Variants in PCDHGA1 observed in about 807,000 individuals in gnomAD.
PCDHGA1 encodes the protein protocadherin gamma-A1.
PCDHGA1 carries 32 observed loss-of-function variants against 58.0 expected under a neutral mutation model. That is an observed-to-expected ratio of 0.55 (90% CI 0.42 to 0.74). PCDHGA1 has a LOEUF of 0.74. Ranked by LOEUF, PCDHGA1 falls within the 30% of genes least tolerant of loss-of-function variation. The probability of loss-of-function intolerance (pLI) is 0.00; values close to 1 mark genes in which losing one functional copy is unlikely to be tolerated. For synonymous variants in PCDHGA1, 498 were observed against 501.1 expected (o/e 0.99, Z 0.08); for missense variants, 1,205 against 1,182.3 (o/e 1.02, Z -0.28).
Position 141,477,920 on chromosome 5 carries a change from C to A in PCDHGA1, c.2422-16887C>A, listed in dbSNP as rs755219711. ...GGTAGGCTGGGACGCGGATGCAGGGCACAATGCCTGGCTCTCCTACAGTCT... is the reference window on the plus strand; with the variant it reads ...GGTAGGCTGGGACGCGGATGCAGGGAACAATGCCTGGCTCTCCTACAGTCT... On this transcript the variant is annotated intron_variant, in intron 1 of 3. Transcript: ENST00000517417. The surrounding 1 kb of genome is among the most constrained non-coding windows in gnomAD (Gnocchi z 4.9). The A allele has an allele frequency of 6.2e-7, 1 of 1,614,180 alleles. No individual in the cohort carries two copies. The highest frequency in any genetic ancestry group is 8.5e-7 in the Non-Finnish European group (1 of 1,180,038).
chr5:141,347,778 C>G (rs1328271855), intron 1 of PCDHGA1, among the ~76,000 whole-genome samples: 3 of 149,542 alleles, frequency 2.0e-5, no homozygotes, highest in African/African-American at 7.4e-5. Flanking sequence ...TAGAGAGAGA[C>G]TCCATCTCAA....
At chr5:141,361,802 A>G (rs368923177) in intron 1 of PCDHGA1, 19 of 1,613,052 alleles carry the variant, frequency 1.2e-5, no homozygotes, top group African/African-American at 9.3e-5. Flanking sequence ...GGCGACCTCA[A>G]TGACAATGCG....
intron 1 of PCDHGA1, chr5:141,416,446 G>A (rs192789193): frequency 8.5e-5 from 13 of 152,284 alleles, no homozygotes; most frequent in East Asian, 5.8e-4. Context: ...GTAAATATGG[G>A]TTGGGAAGAC....
intron 1 of PCDHGA1, chr5:141,478,778 C>A: frequency 6.7e-7 from 1 of 1,488,178 alleles, no homozygotes; most frequent in Non-Finnish European, 8.9e-7. Flanking sequence ...ATCTGTGGAC[C>A]TAATTCACAT....
At chr5:141,343,707 G>A (rs546642238) in intron 1 of PCDHGA1, 33 of 218,796 alleles carry the variant, frequency 1.5e-4, no homozygotes, top group African/African-American at 6.6e-4. Flanking sequence ...CTGACAAGAA[G>A]GATTTCAGAT....
rs895266922 is a variant in PCDHGA1 at position 141,343,983 on chromosome 5, G to C, written c.2421+10878G>C. On this transcript the variant is annotated intron_variant, in intron 1 of 3. Transcript: ENST00000517417. Reference sequence around the variant, plus strand: ...TCTTGAGAAAATAAGATTGGAGTCCGTCGTAGGAAACTGGAACCGAATTCA... The same window carrying C: ...TCTTGAGAAAATAAGATTGGAGTCCCTCGTAGGAAACTGGAACCGAATTCA... 8 of 1,444,634 alleles carry C rather than the reference G, an allele frequency of 5.5e-6. No homozygotes were observed. The Admixed American group carries it at 1.2e-4, about 21-fold the overall frequency. The allele number at this position is 1,444,634 out of a possible 1,614,324, so 89.5% of individuals were successfully genotyped here.
chr5:141,384,210 C>T (rs1298573358), intron 1 of PCDHGA1: 2 of 1,613,886 alleles, frequency 1.2e-6, no homozygotes, highest in South Asian at 1.1e-5. Flanking sequence ...GGGAAACTCA[C>T]ATATTCATGC....
At chr5:141,403,699 TAA>T in intron 1 of PCDHGA1, 1 of 1,613,934 alleles carries the variant, frequency 6.2e-7, no homozygotes, top group East Asian at 2.2e-5. Context: ...TTTACCGAGT[TAA>T]AGTCCTTGAG....
intron 1 of PCDHGA1, chr5:141,415,759 T>TTTG: frequency 3.7e-6 from 5 of 1,352,140 alleles, no homozygotes; most frequent in Non-Finnish European, 4.8e-6. Flanking sequence ...TTTTTTTTTT[T>TTTG]TTTTTTTTTT....
At chr5:141,444,434 G>A (rs761353277) in intron 1 of PCDHGA1, among the ~76,000 whole-genome samples, 16 of 152,196 alleles carry the variant, frequency 1.1e-4, no homozygotes, top group Admixed American at 7.2e-4. Flanking sequence ...GCCTCCCAAA[G>A]TGCTGGGATT....
chr5:141,331,848 A>G lies in PCDHGA1; in HGVS notation c.1164A>G (p.Gly388=), dbSNP rs1247729663. ...GCTACACCACATGTTTCATTCCTGG[A>G]AATTTACCCTTTAAATTGGAAAAGT... is the stretch of plus-strand genomic sequence containing the variant. ...DNGYTTCFIP[G]NLPFKLEKLV... is the part of the protein sequence containing the mutation. Residue 388 remains glycine (G), a synonymous_variant, in exon 1 of 4, where the codon GGA becomes GGG. Transcript: ENST00000517417. The G allele has an allele frequency of 2.5e-6, 4 of 1,614,176 alleles. No homozygotes were observed.
At chr5:141,370,230 C>CG (rs1766760577) in intron 1 of PCDHGA1, 1 of 588,024 alleles carries the variant, frequency 1.7e-6, no homozygotes, top group East Asian at 2.9e-5. Flanking sequence ...GCAGCCAGCT[C>CG]GGAAGAAAAG....
chr5:141,419,209 G>A (rs541061354), intron 1 of PCDHGA1: 11 of 1,613,900 alleles, frequency 6.8e-6, no homozygotes, highest in South Asian at 5.5e-5. Context: ...ACAACGCGCC[G>A]GTTTTCGGAC....
chr5:141,361,392 T>A, intron 1 of PCDHGA1: 1 of 1,613,882 alleles, frequency 6.2e-7, no homozygotes, highest in South Asian at 1.1e-5. Flanking sequence ...CAGAATACAA[T>A]CTCACCATCA....
intron 1 of PCDHGA1, among the ~76,000 whole-genome samples, chr5:141,479,992 G>A (rs1336315766): frequency 6.6e-6 from 1 of 152,204 alleles, no homozygotes; most frequent in Non-Finnish European, 1.5e-5. Context: ...CCAACTAGGA[G>A]TCTGTGGCCA....
chr5:141,445,115 A>G (rs1038787011), intron 1 of PCDHGA1, among the ~76,000 whole-genome samples: 1 of 152,308 alleles, frequency 6.6e-6, no homozygotes, highest in East Asian at 1.9e-4. Flanking sequence ...GTTATTGTAA[A>G]TAGTATTTTT....
chr5:141,424,880 C>G (rs2096845847), intron 1 of PCDHGA1, among the ~76,000 whole-genome samples: 1 of 152,162 alleles, frequency 6.6e-6, no homozygotes, highest in Admixed American at 6.5e-5. Context: ...GGAAAGGAGA[C>G]TTATCTAGGG....
intron 2 of PCDHGA1, 166 bp from the exon 3 acceptor site, chr5:141,505,227 T>C: frequency 1.2e-6 from 1 of 840,112 alleles, no homozygotes; most frequent in Non-Finnish European, 1.4e-6. Context: ...TGTGGGATTC[T>C]GGCTTCTGAA....
intron 1 of PCDHGA1, among the ~76,000 whole-genome samples, chr5:141,425,778 C>G (rs2096893107): frequency 6.6e-6 from 1 of 152,160 alleles, no homozygotes; most frequent in African/African-American, 2.4e-5. Flanking sequence ...AAGACTTTGC[C>G]TAGTTCTTCC....
Sources: allele counts gnomAD v4.1 joint callset (sites outside exome capture counted in the v4.1 genomes callset), GRCh38; gene constraint gnomAD v4.1.1; non-coding constraint Gnocchi (gnomAD v3.1); transcripts MANE v1.5; gene names NCBI Gene and HGNC (gene_info 2026-07-23, HGNC 2026-07-21).